ZMAT4: variants seen among roughly 807,000 people sequenced by gnomAD.
ZMAT4 encodes zinc finger matrin-type 4, also known as zinc finger matrin-type protein 4.
ZMAT4 carries 17 observed loss-of-function variants against 28.7 expected under a neutral mutation model. That is an observed-to-expected ratio of 0.59 (90% CI 0.41 to 0.89). The LOEUF (loss-of-function observed/expected upper bound fraction) is 0.89, where lower values mean the gene tolerates loss of function less well. ZMAT4 is among the 40% of genes least tolerant of loss of function. The probability of loss-of-function intolerance (pLI) is 0.00; values close to 1 mark genes in which losing one functional copy is unlikely to be tolerated. For missense variants in ZMAT4, 240 were observed against 283.8 expected (o/e 0.85, Z 1.11); for synonymous variants, 117 against 109.2 (o/e 1.07, Z -0.44).
rs370333730 is a variant in ZMAT4, at chr8:40,892,362, C to T, written c.-5+5321G>A. Among the ~76,000 whole-genome samples the T allele has an allele frequency of 4.6e-5, 7 of 152,056 alleles. No homozygotes were observed. The East Asian group carries it at 5.8e-4, about 13-fold the overall frequency. ...TAGAACACATTCCCGCCACCCTGGC[C>T]TCACAGCCACACTCAGGAGCCCCCC... is the stretch of plus-strand genomic sequence containing the variant. On this transcript the variant is annotated intron_variant, in intron 1 of 6. Transcript: ENST00000297737.
chr8:40,819,902 T>C (rs1204131843), intron 2 of ZMAT4, among the ~76,000 whole-genome samples: 3 of 152,038 alleles, frequency 2.0e-5, no homozygotes, highest in African/African-American at 7.3e-5. Context: ...AATATATATG[T>C]TTTTATATGT....
intron 5 of ZMAT4, among the ~76,000 whole-genome samples, chr8:40,598,889 A>T (rs1202224469): frequency 1.3e-5 from 2 of 152,202 alleles, no homozygotes; most frequent in African/African-American, 4.8e-5. Context: ...ATCAGCCAGT[A>T]CGAATGTCTG....
chr8:40,862,214 T>C (rs1817518975), intron 1 of ZMAT4, among the ~76,000 whole-genome samples: 1 of 152,016 alleles, frequency 6.6e-6, no homozygotes, highest in African/African-American at 2.4e-5. Context: ...ATTTGGCACA[T>C]ATACACCATG....
intron 2 of ZMAT4, among the ~76,000 whole-genome samples, chr8:40,803,532 A>G (rs770946446): frequency 3.3e-5 from 5 of 152,200 alleles, no homozygotes; most frequent in African/African-American, 4.8e-5. Flanking sequence ...AAATTAAAAT[A>G]ACAATGAGAT....
chr8:40,646,300 A>G (rs1807311917), intron 5 of ZMAT4, among the ~76,000 whole-genome samples: 1 of 147,814 alleles, frequency 6.8e-6, no homozygotes, highest in Non-Finnish European at 1.5e-5. Context: ...AATTTTTTAG[A>G]CTATCATTTT....
chr8:40,879,918 C>G (rs1049225634), intron 1 of ZMAT4, among the ~76,000 whole-genome samples: 1 of 148,686 alleles, frequency 6.7e-6, no homozygotes, highest in African/African-American at 2.4e-5. Context: ...ATGGACGTAC[C>G]GAACTAGTTT....
chr8:40,657,944 C>G (rs949758288), intron 5 of ZMAT4, among the ~76,000 whole-genome samples: 2 of 152,052 alleles, frequency 1.3e-5, no homozygotes, highest in African/African-American at 2.4e-5. Flanking sequence ...TGACATTGTC[C>G]CACACACAGT....
At chr8:40,659,722 G>C (rs1467262765) in intron 5 of ZMAT4, among the ~76,000 whole-genome samples, 1 of 152,126 alleles carries the variant, frequency 6.6e-6, no homozygotes, top group Non-Finnish European at 1.5e-5. Flanking sequence ...TGCTAAAAGA[G>C]ATCACCTATC....
intron 1 of ZMAT4, among the ~76,000 whole-genome samples, chr8:40,847,843 T>C (rs1173084017): frequency 6.6e-6 from 1 of 152,166 alleles, no homozygotes; most frequent in Non-Finnish European, 1.5e-5. Context: ...ATCAAACCGA[T>C]GTCTGCAGGG....
intron 2 of ZMAT4, among the ~76,000 whole-genome samples, chr8:40,812,599 A>G (rs910715530): frequency 6.6e-6 from 1 of 152,176 alleles, no homozygotes; most frequent in Non-Finnish European, 1.5e-5. Flanking sequence ...CAGAGAAACT[A>G]AGGAAATATG....
At chr8:40,675,899 G>A (rs555598677) in intron 4 of ZMAT4, among the ~76,000 whole-genome samples, 1 of 152,144 alleles carries the variant, frequency 6.6e-6, no homozygotes, top group African/African-American at 2.4e-5. Context: ...GAATAGACAT[G>A]TATCACTATT....
rs114839784 is a variant in ZMAT4 at position 40,667,550 on chromosome 8, G to A, written c.577+7154C>T. Among the ~76,000 whole-genome samples, 1,008 of 152,250 alleles carry A rather than the reference G, an allele frequency of 6.6e-3. 12 individuals carry two copies. The highest frequency in any genetic ancestry group is 0.023 in the African/African-American group (955 of 41,554). On this transcript the variant is annotated intron_variant, in intron 5 of 6. Transcript: ENST00000297737. ...GCCATGTGATGCTAATCATCTCCAC[G>A]TAAGCAGTTTGTCTCCCCAGTAAAT...
At chr8:40,810,669 TTAAA>T (rs1444875305) in intron 2 of ZMAT4, among the ~76,000 whole-genome samples, 3 of 152,186 alleles carry the variant, frequency 2.0e-5, no homozygotes, top group African/African-American at 7.2e-5. Context: ...AAAGGGCTTC[TTAAA>T]CAAACTGTAG....
In ZMAT4 at chr8:40,674,866, G is replaced by T. The variant is rs1808841539; in HGVS notation, c.415C>A (p.Gln139Lys). 1.2e-6 allele frequency: 2 copies of T among 1,613,384 alleles called. No individual in the cohort carries two copies. The highest frequency in any genetic ancestry group is 2.2e-5 in the East Asian group (1 of 44,856). The change falls in exon 5 of 7, where the codon CAA becomes AAA. Residue 139 changes from glutamine (Q) to lysine (K), a missense_variant. Transcript: ENST00000297737. ...DTAPVVASPY[Q>K]RRDSDRYCGL... ...CAGTATCTGTCTGAATCTCTTCTTTGATAGGGAGATGCGACCACCGGAGCA... is the reference window on the plus strand; with the variant it reads ...CAGTATCTGTCTGAATCTCTTCTTTTATAGGGAGATGCGACCACCGGAGCA...
chr8:40,799,462 T>C (rs1814746251), intron 2 of ZMAT4, among the ~76,000 whole-genome samples: 1 of 152,238 alleles, frequency 6.6e-6, no homozygotes, highest in South Asian at 2.1e-4. Flanking sequence ...TTTTCTTTAT[T>C]CCAAATTTAA....
intron 3 of ZMAT4, among the ~76,000 whole-genome samples, chr8:40,720,348 T>A (rs1019769382): frequency 6.6e-6 from 1 of 152,074 alleles, no homozygotes; most frequent in African/African-American, 2.4e-5. Context: ...TAGGACTCTT[T>A]ATTGTGGCTC....
chr8:40,826,721 G>A (rs558507984), intron 1 of ZMAT4, among the ~76,000 whole-genome samples: 4 of 152,160 alleles, frequency 2.6e-5, no homozygotes, highest in African/African-American at 7.2e-5. Context: ...CTCCACCACC[G>A]CACACCACAA....
chr8:40,740,996 A>ACACGCG (rs1563449860), intron 3 of ZMAT4, among the ~76,000 whole-genome samples: 2 of 97,100 alleles, frequency 2.1e-5, no homozygotes, highest in African/African-American at 9.1e-5. Context: ...AAATGCGCAC[A>ACACGCG]CACACACACA....
intron 2 of ZMAT4, among the ~76,000 whole-genome samples, chr8:40,791,821 A>G (rs950663216): frequency 2.6e-5 from 4 of 152,198 alleles, no homozygotes; most frequent in Non-Finnish European, 2.9e-5. Context: ...CAGACAAGGA[A>G]GCTATAGGAG....
Sources: allele counts gnomAD v4.1 joint callset (sites outside exome capture counted in the v4.1 genomes callset), GRCh38; gene constraint gnomAD v4.1.1; transcripts MANE v1.5; gene names NCBI Gene and HGNC (gene_info 2026-07-23, HGNC 2026-07-21).